ERCC1: variants seen among roughly 807,000 people sequenced by gnomAD.
The protein encoded by ERCC1 is DNA excision repair protein ERCC-1.
ERCC1 carries 36 observed loss-of-function variants against 37.6 expected under a neutral mutation model. The ratio of observed to expected loss-of-function variants is 0.96; its 90% confidence interval spans 0.73 to 1.26. ERCC1 has a LOEUF of 1.26. Ranked by LOEUF, ERCC1 falls within the 50% of genes most tolerant of loss-of-function variation. The pLI is 0.00. For missense variants in ERCC1, 349 were observed against 376.5 expected, an observed-to-expected ratio of 0.93 and a Z score of 0.60; for synonymous variants, 156 against 162.1, an observed-to-expected ratio of 0.96 and a Z score of 0.28.
In ERCC1 at chr19:45,409,135, A is replaced by G. The variant is rs1179547099; in HGVS notation, c.*540T>C. On this transcript the variant is annotated 3_prime_UTR_variant, in exon 10 of 10. Transcript: ENST00000300853. ...CAGCTCCCAAAAAGAAGACGAAGAA[A>G]GAAAAACAGCAAGATGCCACAGTGG... The G allele has an allele frequency of 1.9e-6, 3 of 1,613,108 alleles. No individual in the cohort carries two copies. The African/African-American group carries it at 4.0e-5, about 22-fold the overall frequency.
intron 3 of ERCC1, 109 bp downstream of exon 3, chr19:45,421,069 G>GAAT (rs1568586579): frequency 6.9e-6 from 6 of 873,100 alleles, no homozygotes; most frequent in East Asian, 2.5e-5. Context: ...ATGAATGAAT[G>GAAT]GGGAGAACAA....
At chr19:45,421,961 TC>T (rs1974462939) in intron 2 of ERCC1, among the ~76,000 whole-genome samples, 1 of 151,940 alleles carries the variant, frequency 6.6e-6, no homozygotes, top group Non-Finnish European at 1.5e-5. Flanking sequence ...CTGCCCATCC[TC>T]CTTCCTCCTA....
chr19:45,443,490 TC>T lies in ERCC1; in HGVS notation c.-7-20110del, dbSNP rs370524940. ...ATCGCCAGTGAGTAAGAAAACGGGT[TC>T]GCGCCGTTGGTGGACTCCGCCCACT... is the stretch of plus-strand genomic sequence containing the variant. On this transcript the variant is annotated intron_variant, in intron 1 of 8. Transcript: ENST00000423698. Among the ~76,000 whole-genome samples, 212 of 152,226 alleles carry T rather than the reference TC, an allele frequency of 1.4e-3. 1 individual carries two copies. Among genetic ancestry groups the T allele is most frequent in the Non-Finnish European group, 2.1e-3 (146 of 67,998 alleles).
Position 45,408,301 on chromosome 19 carries a change from C to G in ERCC1, c.*1374G>C, listed in dbSNP as rs1326438436. 1.2e-6 allele frequency: 2 copies of G among 1,613,146 alleles called. No homozygotes were observed. The highest frequency in any genetic ancestry group is 2.2e-5 in the South Asian group (2 of 90,990). On this transcript the variant is annotated 3_prime_UTR_variant, in exon 10 of 10. Transcript: ENST00000300853. The stretch of plus-strand genomic sequence containing the variant: ...GTGGACTCACCTGTGCCTCAGCCCC[C>G]CAGGGCACCCTAAGGATCCTTGAGG...
At chr19:45,415,543 T>G (rs1429281525) in intron 6 of ERCC1, among the ~76,000 whole-genome samples, 1 of 127,502 alleles carries the variant, frequency 7.8e-6, no homozygotes, top group Non-Finnish European at 1.6e-5. Flanking sequence ...GGCTGAGGCA[T>G]GAGAATGGCG....
At chr19:45,423,686 C>A in intron 1 of ERCC1, 95 bp downstream of exon 1, 9 of 1,249,608 alleles carry the variant, frequency 7.2e-6, no homozygotes, top group Non-Finnish European at 9.2e-6. Context: ...AGCATCTGGA[C>A]GCCCTCCCCA....
At chr19:45,439,920 C>G (rs2123599980) in intron 1 of ERCC1, among the ~76,000 whole-genome samples, 1 of 152,282 alleles carries the variant, frequency 6.6e-6, no homozygotes, top group South Asian at 2.1e-4. Flanking sequence ...CATTTTTACC[C>G]CAGCTCCGCT....
At chr19:45,434,000 G>C (rs549854946) in intron 1 of ERCC1, among the ~76,000 whole-genome samples, 2 of 151,816 alleles carry the variant, frequency 1.3e-5, no homozygotes, top group South Asian at 2.1e-4. Context: ...AATTAGTCAG[G>C]CATGGTGGCA....
In ERCC1 at chr19:45,420,177, C is replaced by A; in HGVS notation, c.425+147G>T. 1.5e-6 allele frequency: 1 copy of A among 682,704 alleles called. No homozygotes were observed. Among genetic ancestry groups the A allele is most frequent in the Non-Finnish European group, 2.7e-6 (1 of 373,652 alleles). 42.3% of individuals were successfully genotyped at this position (682,704 alleles called of 1,614,324 possible). ...GGCACCTCCAGGCCAAGACCCCCTG[C>A]CTCCAACACAGGGTCCCACCAAGGC... On this transcript the variant is annotated intron_variant, in intron 4 of 9. Coordinates refer to ENST00000300853, the MANE Select transcript of ERCC1 (RefSeq NM_001983.4). The surrounding 1 kb of genome is among the most constrained non-coding windows in gnomAD (Gnocchi z 4.8).
chr19:45,413,791 TC>T (rs1223443897), intron 8 of ERCC1, 46 bp from the exon 9 acceptor site: 1 of 1,610,528 alleles, frequency 6.2e-7, no homozygotes, highest in South Asian at 1.1e-5. Context: ...CACAAAAGCC[TC>T]CCCTGTCCCA....
At chr19:45,425,682 T>A (rs1361496252), upstream of ERCC1, among the ~76,000 whole-genome samples, 1 of 152,158 alleles carries the variant, frequency 6.6e-6, no homozygotes, top group South Asian at 2.1e-4. Flanking sequence ...GATTTATTTT[T>A]GAAAGTGCAC....
At chr19:45,412,334 T>A (rs1318888742) in intron 9 of ERCC1, among the ~76,000 whole-genome samples, 1 of 151,886 alleles carries the variant, frequency 6.6e-6, no homozygotes, top group Non-Finnish European at 1.5e-5. Flanking sequence ...AATTTTTATA[T>A]TTTTAGTAGA....
chr19:45,438,073 A>G (rs1226348974), intron 1 of ERCC1, among the ~76,000 whole-genome samples: 1 of 151,974 alleles, frequency 6.6e-6, no homozygotes, highest in Non-Finnish European at 1.5e-5. Context: ...ACGCCCAGCT[A>G]AATTTTTTTT....
intron 1 of ERCC1, among the ~76,000 whole-genome samples, chr19:45,445,046 T>C (rs545192051): frequency 3.7e-4 from 57 of 152,178 alleles, no homozygotes; most frequent in Non-Finnish European, 7.2e-4. Context: ...GAGAGGAGTT[T>C]CGCTCTGTGG....
Position 45,413,955 on chromosome 19 carries a change from T to C in ERCC1, c.774+8A>G. 1 of 1,612,632 alleles carries C rather than the reference T, an allele frequency of 6.2e-7. No homozygotes were observed. The highest frequency in any genetic ancestry group is 8.5e-7 in the Non-Finnish European group (1 of 1,179,000). On this transcript the variant is annotated splice_region_variant and intron_variant, in intron 8 of 9. Transcript: ENST00000300853. ...AAATGCCTATGGGGCAGGGGAGCCA[T>C]TCCTTACTCCAAATGTGGTCAGGAG...
intron 1 of ERCC1, among the ~76,000 whole-genome samples, chr19:45,438,270 A>G (rs1975033447): frequency 6.6e-6 from 1 of 152,014 alleles, no homozygotes; most frequent in Non-Finnish European, 1.5e-5. Flanking sequence ...ATCTCACTAC[A>G]TTGCCCAGAT....
Position 45,420,522 on chromosome 19 carries a change from C to CCACCTCTTCCCACACCTCCTGCCTCCTCG in ERCC1, c.322-124_322-96dup. On this transcript the variant is annotated intron_variant, in intron 3 of 9. Transcript: ENST00000300853. This position sits in a 1 kb window ranked among gnomAD's most constrained non-coding sequence, Gnocchi z 4.8. ...CTCTTCTTGCACCTCCTCCCTCCTC[C>CCACCTCTTCCCACACCTCCTGCCTCCTCG]CACCTCTTCCCACACCTCCTGCCTC... 4.0e-6 allele frequency: 3 copies of CCACCTCTTCCCACACCTCCTGCCTCCTCG among 757,348 alleles called. No homozygotes were observed. The highest frequency in any genetic ancestry group is 7.0e-6 in the Non-Finnish European group (3 of 427,770). The allele number at this position is 757,348 out of a possible 1,614,324, so 46.9% of individuals were successfully genotyped here.
rs1967098955 is a variant in ERCC1, at chr19:45,450,900, C to CAA, written c.-7-27520_-7-27519insTT. On this transcript the variant is annotated intron_variant, in intron 1 of 8. Coordinates refer to the ERCC1 transcript ENST00000423698. ...CTCCGTGCGCCCGCCCCCCCCCCCC[C>CAA]CCCCCACGCCCGCGCAGACGCGGTG... 4.1e-5 allele frequency among the ~76,000 whole-genome samples: 4 copies of CAA among 97,742 alleles called. 1 individual carries two copies. Among genetic ancestry groups the CAA allele is most frequent in the African/African-American group, 1.0e-4 (3 of 30,012 alleles). The allele number at this position is 97,742 out of a possible 152,430, so 64.1% of individuals were successfully genotyped here. A position where few individuals can be genotyped will look rare whatever the true frequency, so the allele number is the denominator to read the frequency against.
At chr19:45,451,426 A>C (rs73047773) in intron 1 of ERCC1, among the ~76,000 whole-genome samples, 1 of 152,050 alleles carries the variant, frequency 6.6e-6, no homozygotes, top group Non-Finnish European at 1.5e-5. Flanking sequence ...CTCAAGCCAC[A>C]GCCCCAAAGC....
Sources: gnomAD v4.1 joint callset for allele counts (sites outside exome capture counted in the v4.1 genomes callset) on GRCh38, gnomAD v4.1.1 for gene constraint, Gnocchi (gnomAD v3.1) non-coding constraint, MANE v1.5 for transcripts, NCBI Gene and HGNC (gene_info 2026-07-23, HGNC 2026-07-21) for gene names.